Variants in NUF2 observed in about 807,000 individuals in gnomAD.
NUF2 encodes the protein NUF2 component of NDC80 kinetochore complex, also known as kinetochore protein Nuf2.
Under a neutral mutation model 61.8 loss-of-function variants are expected in NUF2, and 34 were observed. The ratio of observed to expected loss-of-function variants is 0.55; its 90% CI spans 0.42 to 0.73. The LOEUF (loss-of-function observed/expected upper bound fraction) is 0.73, where lower values mean the gene tolerates loss of function less well. Ranked by LOEUF, NUF2 falls within the 30% of genes least tolerant of loss-of-function variation. The pLI is 0.00. For synonymous variants in NUF2, 172 were observed against 181.6 expected, an observed-to-expected ratio of 0.95 and a Z score of 0.42; for missense variants, 445 against 539.1, an observed-to-expected ratio of 0.83 and a Z score of 1.73.
intron 5 of NUF2, among the ~76,000 whole-genome samples, chr1:163,334,369 G>T (rs1055688882): frequency 6.6e-6 from 1 of 152,138 alleles, no homozygotes; most frequent in African/African-American, 2.4e-5. Flanking sequence ...TCACATTCTT[G>T]TAAGTACACC....
intron 12 of NUF2, 80 bp downstream of exon 12, chr1:163,348,018 C>A: frequency 9.1e-7 from 1 of 1,094,970 alleles, no homozygotes; most frequent in Non-Finnish European, 1.2e-6. Context: ...GATTTCAAAA[C>A]CTCGGTATTT....
rs1055824748 is a variant in NUF2 at position 163,355,594 on chromosome 1, A to T, written c.*125A>T. ...TAATGTTGGCTTCATCAGTTTTTAT[A>T]CACTCTCATAAGTAGTTAATAAGAT... is the stretch of plus-strand genomic sequence containing the variant. On this transcript the variant is annotated 3_prime_UTR_variant, in exon 14 of 14. Coordinates refer to ENST00000271452, the MANE Select transcript of NUF2 (RefSeq NM_145697.3). The T allele has an allele frequency of 1.5e-6, 1 of 672,348 alleles. No homozygotes were observed. The highest frequency in any genetic ancestry group is 2.4e-5 in the South Asian group (1 of 40,940). The allele number at this position is 672,348 out of a possible 1,614,324, so 41.6% of individuals were successfully genotyped here.
intron 9 of NUF2, among the ~76,000 whole-genome samples, chr1:163,340,854 T>G (rs1650920358): frequency 6.6e-6 from 1 of 152,210 alleles, no homozygotes; most frequent in Non-Finnish European, 1.5e-5. Flanking sequence ...TTGTAGATCC[T>G]TTTAATCCCC....
rs751043645 is a variant in NUF2, at chr1:163,355,379, C to T, written c.1305C>T (p.Asp435=). The T allele has an allele frequency of 3.3e-5, 53 of 1,606,060 alleles. No homozygotes were observed. The highest frequency in any genetic ancestry group is 3.7e-5 in the Non-Finnish European group (43 of 1,175,346). The change falls in exon 14 of 14, where the codon GAC becomes GAT. Residue 435 remains aspartate (D), a synonymous_variant. Transcript: ENST00000271452. ...AAACTGCTTTGGAGAAATACCACGACGGTATTGAAAAGGCAGCAGAGGACT... is the reference window on the plus strand; with the variant it reads ...AAACTGCTTTGGAGAAATACCACGATGGTATTGAAAAGGCAGCAGAGGACT... ...NLKTALEKYH[D]GIEKAAEDSY...
chr1:163,329,204 A>G (rs186030039), intron 5 of NUF2, among the ~76,000 whole-genome samples: 1 of 152,270 alleles, frequency 6.6e-6, no homozygotes, highest in Admixed American at 6.5e-5. Flanking sequence ...GATTTTGCAT[A>G]GTGGATTCAT....
At chr1:163,336,611 G>T in intron 5 of NUF2, 140 bp from the exon 6 acceptor site, 1 of 472,684 alleles carries the variant, frequency 2.1e-6, no homozygotes, top group Non-Finnish European at 3.7e-6. Flanking sequence ...AGTTAGAGCA[G>T]ATTTTCTACA....
intron 9 of NUF2, among the ~76,000 whole-genome samples, chr1:163,341,345 G>T (rs537883862): frequency 6.6e-6 from 1 of 152,194 alleles, no homozygotes; most frequent in East Asian, 1.9e-4. Context: ...GACCAGCTGG[G>T]ACTACAGGCT....
At chr1:163,326,732 G>C (rs939060443) in intron 2 of NUF2, among the ~76,000 whole-genome samples, 4 of 152,082 alleles carry the variant, frequency 2.6e-5, no homozygotes, top group African/African-American at 9.7e-5. Flanking sequence ...AAGTGATAAC[G>C]TAGTAAAACC....
At chr1:163,323,856 C>T (rs1571369387) in intron 1 of NUF2, among the ~76,000 whole-genome samples, 1 of 151,948 alleles carries the variant, frequency 6.6e-6, no homozygotes, top group East Asian at 1.9e-4. Context: ...AGTGACACAG[C>T]AGATGGTGAC....
chr1:163,324,211 C>T (rs1050184404), intron 1 of NUF2, among the ~76,000 whole-genome samples: 1 of 152,070 alleles, frequency 6.6e-6, no homozygotes, highest in Non-Finnish European at 1.5e-5. Context: ...TAATAGCTTT[C>T]TTCATGTTTT....
At chr1:163,354,527 T>G (rs1160964701) in intron 13 of NUF2, among the ~76,000 whole-genome samples, 1 of 152,100 alleles carries the variant, frequency 6.6e-6, no homozygotes, top group Non-Finnish European at 1.5e-5. Flanking sequence ...AGCCAAAATT[T>G]TAGGCTTAAG....
At chr1:163,339,509 A>G (rs1312838607) in intron 8 of NUF2, 32 bp downstream of exon 8, 3 of 1,418,130 alleles carry the variant, frequency 2.1e-6, no homozygotes, top group Non-Finnish European at 3.0e-6. Flanking sequence ...AAACTTTAAA[A>G]AACAAAATTT....
chr1:163,322,540 G>C (rs973408659), intron 1 of NUF2, among the ~76,000 whole-genome samples: 12 of 152,166 alleles, frequency 7.9e-5, no homozygotes, highest in African/African-American at 2.9e-4. Context: ...CGCATATATA[G>C]CACTACGCAT....
intron 5 of NUF2, among the ~76,000 whole-genome samples, chr1:163,329,654 C>G (rs933516126): frequency 3.3e-5 from 5 of 152,160 alleles, no homozygotes; most frequent in African/African-American, 1.2e-4. Flanking sequence ...AGAACTCACT[C>G]ACTGTAGACA....
At chr1:163,334,405 T>G (rs1405643404) in intron 5 of NUF2, among the ~76,000 whole-genome samples, 1 of 152,226 alleles carries the variant, frequency 6.6e-6, no homozygotes, top group Non-Finnish European at 1.5e-5. Flanking sequence ...ATGATTTTTC[T>G]TAGACATGAA....
At chr1:163,331,160 C>T (rs1230099814) in intron 5 of NUF2, among the ~76,000 whole-genome samples, 1 of 150,750 alleles carries the variant, frequency 6.6e-6, no homozygotes, top group African/African-American at 2.4e-5. Flanking sequence ...ATTAAGTATT[C>T]GTTGTAGGAT....
At chr1:163,355,034 C>T (rs933871408) in intron 13 of NUF2, among the ~76,000 whole-genome samples, 5 of 151,922 alleles carry the variant, frequency 3.3e-5, no homozygotes, top group African/African-American at 1.2e-4. Flanking sequence ...ACATGGAAAG[C>T]TCTAAAGTAA....
In NUF2 at chr1:163,339,451, C is replaced by T; in HGVS notation, c.580C>T (p.Leu194=). Residue 194 remains leucine (L), a synonymous_variant, in exon 8 of 14, where the codon CTA becomes TTA. Transcript: ENST00000271452. ...SDGIQELQQS[L]NQDFHQKTIV... ...TGGAATTCAGGAGCTACAACAATCA[C>T]TAAATCAGGATTTTCATCAAAAAAC... The T allele has an allele frequency of 6.2e-7, 1 of 1,611,328 alleles. No individual in the cohort carries two copies. The highest frequency in any genetic ancestry group is 1.1e-5 in the South Asian group (1 of 90,902).
intron 2 of NUF2, 44 bp downstream of exon 2, chr1:163,326,218 A>G (rs762297626): frequency 7.5e-6 from 12 of 1,594,862 alleles, no homozygotes; most frequent in African/African-American, 4.0e-5. Flanking sequence ...GTATTTAGGG[A>G]AAAAGTAAGC....
Sources: allele counts gnomAD v4.1 joint callset (sites outside exome capture counted in the v4.1 genomes callset), GRCh38; gene constraint gnomAD v4.1.1; transcripts MANE v1.5; gene names NCBI Gene and HGNC (gene_info 2026-07-23, HGNC 2026-07-21).